The following GPC3 variants were observed in gnomAD, a reference collection of about 807,000 sequenced individuals.
GPC3 encodes glypican-3.
Under a neutral mutation model 34.4 loss-of-function variants are expected in GPC3, and 3 were observed. That is an observed-to-expected ratio of 0.09 (90% CI 0.04 to 0.23). The LOEUF is 0.23. GPC3 is among the 10% of genes least tolerant of loss of function. GPC3 has a pLI of 1.00. For missense variants in GPC3, 351 were observed against 445.6 expected (o/e 0.79, Z 1.91); for synonymous variants, 177 against 174.0 (o/e 1.02, Z -0.13).
chrX:133,665,499 G>A (rs2070760548), intron 5 of GPC3, among the ~76,000 whole-genome samples: 1 of 112,401 alleles, frequency 8.9e-6, no homozygotes, highest in Admixed American at 9.5e-5. Context: ...AGGAGGTCAG[G>A]AAATCTAGTT....
At chrX:133,662,098 G>T (rs1420023154) in intron 5 of GPC3, among the ~76,000 whole-genome samples, 1 of 111,325 alleles carries the variant, frequency 9.0e-6, no homozygotes, top group African/African-American at 3.3e-5. Context: ...AGACAGACAA[G>T]GTCTGTGTGC....
chrX:133,940,658 T>G (rs1434361697), intron 2 of GPC3, among the ~76,000 whole-genome samples: 2 of 111,637 alleles, frequency 1.8e-5, no homozygotes, highest in Non-Finnish European at 3.8e-5. Flanking sequence ...CAAGAAGGCT[T>G]AATTTTTTGC....
At chrX:133,832,147 G>T (rs2075778366) in intron 2 of GPC3, among the ~76,000 whole-genome samples, 1 of 109,994 alleles carries the variant, frequency 9.1e-6, no homozygotes, top group African/African-American at 3.3e-5. Context: ...AGGCGTAGTG[G>T]TACGTGCCTA....
intron 3 of GPC3, among the ~76,000 whole-genome samples, chrX:133,737,944 T>A (rs929883279): frequency 2.7e-5 from 3 of 111,280 alleles, no homozygotes; most frequent in Non-Finnish European, 3.8e-5. Flanking sequence ...GGAAAAAAAA[T>A]CATTTTCAAA....
intron 2 of GPC3, among the ~76,000 whole-genome samples, chrX:133,913,507 A>T (rs1240695631): frequency 8.9e-6 from 1 of 112,367 alleles, no homozygotes; most frequent in Non-Finnish European, 1.9e-5. Context: ...GAGAAGAAAA[A>T]GTCAATAATA....
chrX:133,603,166 G>A (rs1375214306), intron 6 of GPC3, among the ~76,000 whole-genome samples: 1 of 106,786 alleles, frequency 9.4e-6, no homozygotes, highest in Non-Finnish European at 1.9e-5. Context: ...AAAAAGACAC[G>A]CTCCCTGGCC....
At chrX:133,759,519 T>C (rs1391914882) in intron 2 of GPC3, among the ~76,000 whole-genome samples, 2 of 112,384 alleles carry the variant, frequency 1.8e-5, no homozygotes, top group African/African-American at 6.5e-5. Context: ...GGAGAAAGAA[T>C]AATCTTTGCA....
At chrX:133,796,996 A>G (rs2075585233) in intron 2 of GPC3, among the ~76,000 whole-genome samples, 1 of 111,211 alleles carries the variant, frequency 9.0e-6, no homozygotes, top group Non-Finnish European at 1.9e-5. Flanking sequence ...CCCAGTTGCA[A>G]TAACTGGGCC....
intron 3 of GPC3, among the ~76,000 whole-genome samples, chrX:133,723,473 G>A (rs1054902957): frequency 1.1e-4 from 12 of 112,061 alleles, no homozygotes; most frequent in Non-Finnish European, 1.7e-4. Context: ...CGCCTGATAT[G>A]GTTTGGATGT....
intron 6 of GPC3, among the ~76,000 whole-genome samples, chrX:133,617,183 A>G (rs2070176222): frequency 8.9e-6 from 1 of 112,304 alleles, no homozygotes; most frequent in African/African-American, 3.2e-5. Flanking sequence ...ATTTTCCAGG[A>G]CATCCAGCCA....
chrX:133,685,276 T>C (rs898477268), intron 5 of GPC3, among the ~76,000 whole-genome samples: 1 of 111,738 alleles, frequency 8.9e-6, no homozygotes, highest in African/African-American at 3.3e-5. Flanking sequence ...TTTACACATC[T>C]CATGAATTGG....
intron 2 of GPC3, among the ~76,000 whole-genome samples, chrX:133,821,658 T>C (rs777285500): frequency 9.0e-6 from 1 of 111,530 alleles, no homozygotes; most frequent in Non-Finnish European, 1.9e-5. Flanking sequence ...ATACCTAGTG[T>C]AGGCATTATT....
At chrX:133,914,300 A>T (rs773678336) in intron 2 of GPC3, among the ~76,000 whole-genome samples, 6 of 110,843 alleles carry the variant, frequency 5.4e-5, no homozygotes, top group Non-Finnish European at 1.1e-4. Context: ...CTTTACATGA[A>T]TTGTCTCATT....
chrX:133,705,010 G>T (rs2071201400), intron 3 of GPC3, among the ~76,000 whole-genome samples: 1 of 111,144 alleles, frequency 9.0e-6, no homozygotes, highest in East Asian at 2.8e-4. Context: ...ATTCAGATTT[G>T]ATCTTTCACT....
At chrX:133,887,938 T>C (rs1365296490) in intron 2 of GPC3, among the ~76,000 whole-genome samples, 1 of 110,221 alleles carries the variant, frequency 9.1e-6, no homozygotes, top group East Asian at 2.8e-4. Flanking sequence ...TTTTTTTTTT[T>C]AATACTTTAA....
At chrX:133,542,842 T>C (rs757937265) in intron 7 of GPC3, among the ~76,000 whole-genome samples, 1 of 111,981 alleles carries the variant, frequency 8.9e-6, no homozygotes, top group South Asian at 3.8e-4. Flanking sequence ...GCCACTGGGC[T>C]CTGCCATTCG....
intron 2 of GPC3, among the ~76,000 whole-genome samples, chrX:133,785,890 G>A (rs1259309261): frequency 8.9e-6 from 1 of 111,836 alleles, no homozygotes; most frequent in East Asian, 2.8e-4. Context: ...GAAAATCAAT[G>A]TTTTACCCTG....
intron 3 of GPC3, among the ~76,000 whole-genome samples, chrX:133,711,144 G>T (rs1056046293): frequency 8.9e-6 from 1 of 111,871 alleles, no homozygotes; most frequent in Non-Finnish European, 1.9e-5. Flanking sequence ...ATCCAGACAC[G>T]AAGTCTTGTT....
chrX:133,537,901 T>C (rs1325082650), intron 7 of GPC3, among the ~76,000 whole-genome samples: 1 of 111,665 alleles, frequency 9.0e-6, no homozygotes, highest in Admixed American at 9.6e-5. Context: ...CTTTTGCCTA[T>C]ATTTTATACA....
Sources: gnomAD v4.1 joint callset for allele counts (sites outside exome capture counted in the v4.1 genomes callset) on GRCh38, gnomAD v4.1.1 for gene constraint, MANE v1.5 for transcripts, NCBI Gene and HGNC (gene_info 2026-07-23, HGNC 2026-07-21) for gene names.